The following SUGCT variants were observed in gnomAD, a reference collection of about 807,000 sequenced individuals.
SUGCT encodes succinyl-CoA:glutarate CoA-transferase.
In SUGCT, 41 loss-of-function variants were observed where a neutral mutation model predicts 55.0. The observed-to-expected ratio is 0.74, with a 90% CI of 0.58 to 0.97. The LOEUF (loss-of-function observed/expected upper bound fraction) is 0.97, where lower values mean the gene tolerates loss of function less well. SUGCT is among the 50% of genes least tolerant of loss of function. The pLI is 0.00. For missense variants in SUGCT, 568 were observed against 547.8 expected (o/e 1.04, Z -0.37); for synonymous variants, 187 against 200.4 (o/e 0.93, Z 0.56).
chr7:40,930,484 G>C, the SUGCT span, among the ~76,000 whole-genome samples: 1 of 152,060 alleles, frequency 6.6e-6, no homozygotes, highest in African/African-American at 2.4e-5. Context: ...TGATGGGGAT[G>C]GCATTGAATC....
intron 13 of SUGCT, among the ~76,000 whole-genome samples, chr7:40,798,532 A>G (rs537873742): frequency 1.3e-5 from 2 of 152,234 alleles, no homozygotes; most frequent in Non-Finnish European, 2.9e-5. Context: ...TTTAGTCAAA[A>G]TAAGTGAATT....
Position 40,245,423 on chromosome 7 carries a change from ATTTTTTTTTTTTTTTTTTTTT to A in SUGCT, c.576+7711_576+7731del. Reference sequence around the variant, plus strand: ...AGTAGACATATATATATATATATATATTTTTTTTTTTTTTTTTTTTTTTTTTTTTTTTTTGAGATGGAGTCT... The same window carrying A: ...AGTAGACATATATATATATATATATATTTTTTTTTTTTTGAGATGGAGTCT... On this transcript the variant is annotated intron_variant, in intron 7 of 13. Transcript: ENST00000335693. Among the ~76,000 whole-genome samples the A allele has an allele frequency of 5.5e-5, 3 of 54,596 alleles. 1 individual carries two copies. The South Asian group carries it at 1.6e-3, about 29-fold the overall frequency. 35.8% of individuals were successfully genotyped at this position (54,596 alleles called of 152,430 possible).
chr7:40,206,112 G>C (rs1786960012), intron 6 of SUGCT, among the ~76,000 whole-genome samples: 1 of 152,132 alleles, frequency 6.6e-6, no homozygotes, highest in African/African-American at 2.4e-5. Context: ...ATGTTTTATA[G>C]ATCGTGCCAG....
chr7:40,359,936 C>A (rs34398005), intron 9 of SUGCT, among the ~76,000 whole-genome samples: 36,370 of 152,120 alleles, frequency 0.24, 5,668 homozygotes, highest in Non-Finnish European at 0.36. Flanking sequence ...TTATTGGTAA[C>A]TACTTACAAA....
At chr7:40,768,075 C>G (rs1177855909) in intron 13 of SUGCT, among the ~76,000 whole-genome samples, 1 of 152,142 alleles carries the variant, frequency 6.6e-6, no homozygotes, top group Non-Finnish European at 1.5e-5. Flanking sequence ...GCCCCATACT[C>G]CCTCAGGGTC....
At chr7:40,483,995 G>A (rs1448667255) in intron 11 of SUGCT, among the ~76,000 whole-genome samples, 1 of 152,148 alleles carries the variant, frequency 6.6e-6, no homozygotes, top group African/African-American at 2.4e-5. Context: ...TCACTGATAA[G>A]TAAATGATAT....
intron 8 of SUGCT, among the ~76,000 whole-genome samples, chr7:40,289,277 T>G (rs1793569986): frequency 6.6e-6 from 1 of 152,096 alleles, no homozygotes; most frequent in Non-Finnish European, 1.5e-5. Flanking sequence ...CAATAGTCTC[T>G]CCTTACCTGT....
At chr7:40,574,250 A>G (rs1796603519) in intron 12 of SUGCT, among the ~76,000 whole-genome samples, 1 of 152,120 alleles carries the variant, frequency 6.6e-6, no homozygotes, top group South Asian at 2.1e-4. Flanking sequence ...ATTCTATTGT[A>G]TTTATTTATT....
intron 12 of SUGCT, among the ~76,000 whole-genome samples, chr7:40,726,745 C>T (rs967498827): frequency 2.6e-5 from 4 of 152,112 alleles, no homozygotes; most frequent in Non-Finnish European, 2.9e-5. Context: ...GTTGGCTTAC[C>T]GCCACCGTGA....
At chr7:40,923,776 C>G in the SUGCT span, among the ~76,000 whole-genome samples, 598 of 152,304 alleles carry the variant, frequency 3.9e-3, 2 homozygotes, top group Middle Eastern at 0.01. Flanking sequence ...GAGTGCTTCT[C>G]ATTCTTCTAG....
intron 12 of SUGCT, among the ~76,000 whole-genome samples, chr7:40,648,157 C>A (rs1800615326): frequency 6.6e-6 from 1 of 152,124 alleles, no homozygotes; most frequent in African/African-American, 2.4e-5. Flanking sequence ...ATCATCTCGT[C>A]CTACCAACAA....
chr7:40,222,172 A>C (rs1027980847), intron 6 of SUGCT, among the ~76,000 whole-genome samples: 9 of 152,258 alleles, frequency 5.9e-5, no homozygotes, highest in African/African-American at 1.7e-4. Flanking sequence ...TGGAAAACAG[A>C]TAGATTCATC....
chr7:40,555,744 A>G (rs961755707), intron 12 of SUGCT, among the ~76,000 whole-genome samples: 2 of 151,262 alleles, frequency 1.3e-5, no homozygotes, highest in Non-Finnish European at 2.9e-5. Context: ...AGGAAGTACA[A>G]TATTGCTGAG....
chr7:40,471,438 A>G (rs1282834611), intron 11 of SUGCT, among the ~76,000 whole-genome samples: 3 of 152,158 alleles, frequency 2.0e-5, no homozygotes, highest in East Asian at 3.9e-4. Context: ...GTACTTGCCT[A>G]TATAATTCAA....
intron 12 of SUGCT, among the ~76,000 whole-genome samples, chr7:40,661,634 C>G (rs1477330492): frequency 6.6e-6 from 1 of 152,122 alleles, no homozygotes; most frequent in Non-Finnish European, 1.5e-5. Context: ...ACTCCTACAA[C>G]TCTACTAAAA....
intron 9 of SUGCT, among the ~76,000 whole-genome samples, chr7:40,332,622 G>A (rs1438803112): frequency 6.6e-6 from 1 of 152,114 alleles, no homozygotes; most frequent in Admixed American, 6.5e-5. Context: ...GTTCAAAGAA[G>A]CTGGGAGGCA....
intron 12 of SUGCT, among the ~76,000 whole-genome samples, chr7:40,709,483 A>G (rs1185800545): frequency 1.3e-5 from 2 of 152,234 alleles, no homozygotes; most frequent in Non-Finnish European, 2.9e-5. Context: ...TCTGGTCCCC[A>G]GGCTCACAGG....
intron 9 of SUGCT, among the ~76,000 whole-genome samples, chr7:40,380,279 A>C (rs919275390): frequency 3.3e-5 from 5 of 152,194 alleles, no homozygotes; most frequent in Admixed American, 6.5e-5. Context: ...AAAATGCCAT[A>C]AACTCAACTG....
intron 8 of SUGCT, among the ~76,000 whole-genome samples, chr7:40,300,093 C>G (rs1457189706): frequency 1.3e-5 from 2 of 152,110 alleles, no homozygotes; most frequent in African/African-American, 2.4e-5. Context: ...TAGCAAAACC[C>G]TAAGTAAGCT....
Sources: allele counts gnomAD v4.1 joint callset (sites outside exome capture counted in the v4.1 genomes callset), GRCh38; gene constraint gnomAD v4.1.1; transcripts MANE v1.5; gene names NCBI Gene and HGNC (gene_info 2026-07-23, HGNC 2026-07-21).